STX18: variants seen among roughly 807,000 people sequenced by gnomAD.
The protein encoded by STX18 is syntaxin 18, also known as syntaxin-18.
A neutral mutation model predicts 50.1 loss-of-function variants in STX18; 40 were observed. The ratio of observed to expected loss-of-function variants is 0.80; its 90% CI spans 0.62 to 1.04. STX18 has a LOEUF of 1.04. Ranked by LOEUF, STX18 falls within the 50% of genes least tolerant of loss-of-function variation. The pLI is 0.00. For synonymous variants in STX18, 158 were observed against 151.8 expected (o/e 1.04, Z -0.30); for missense variants, 410 against 415.8 (o/e 0.99, Z 0.12).
chr4:4,463,850 T>C (rs1338187676), intron 2 of STX18, among the ~76,000 whole-genome samples: 1 of 152,350 alleles, frequency 6.6e-6, no homozygotes, highest in East Asian at 1.9e-4. Flanking sequence ...GGAATAATTA[T>C]TTTAGTATAT....
At chr4:4,474,597 T>A (rs1174391109) in intron 1 of STX18, among the ~76,000 whole-genome samples, 2 of 152,158 alleles carry the variant, frequency 1.3e-5, no homozygotes, top group African/African-American at 2.4e-5. Flanking sequence ...AGAGAGATTA[T>A]CCTGAATTAT....
At chr4:4,423,790 A>G in intron 8 of STX18, 1 of 594,696 alleles carries the variant, frequency 1.7e-6, no homozygotes, top group Non-Finnish European at 3.0e-6. Context: ...GGCATAGCCT[A>G]GCACACTGGT....
intron 1 of STX18, among the ~76,000 whole-genome samples, chr4:4,523,466 G>A (rs1052147009): frequency 6.6e-6 from 1 of 152,142 alleles, no homozygotes; most frequent in Non-Finnish European, 1.5e-5. Context: ...ACAACTGCCT[G>A]GGAAACGTGT....
intron 1 of STX18, among the ~76,000 whole-genome samples, chr4:4,504,654 A>G (rs1274267762): frequency 6.6e-6 from 1 of 152,230 alleles, no homozygotes; most frequent in Non-Finnish European, 1.5e-5. Context: ...AAAAATAGGC[A>G]AAAGACTTGA....
rs752175452 is a variant in STX18 at position 4,457,219 on chromosome 4, C to T, written c.469G>A (p.Val157Ile). The T allele has an allele frequency of 1.2e-6, 2 of 1,614,118 alleles. No homozygotes were observed. The highest frequency in any genetic ancestry group is 2.2e-5 in the South Asian group (2 of 91,084). Residue 157 changes from valine to isoleucine, a missense_variant, in exon 5 of 11, where the codon GTT (valine) becomes ATT (isoleucine). Transcript: ENST00000306200. ...KLYSEQRAIR[V>I]KRVVDKKRLS... ...CTTTTCTTATCCACCACTCTTTTAA[C>T]TCGGATGGCTCTCTGTTCTGAGTAA...
At chr4:4,490,188 T>C (rs951817968) in intron 1 of STX18, among the ~76,000 whole-genome samples, 2 of 152,320 alleles carry the variant, frequency 1.3e-5, no homozygotes, top group South Asian at 2.1e-4. Flanking sequence ...AAAGTAAAAC[T>C]TGACAATGTT....
intron 1 of STX18, among the ~76,000 whole-genome samples, chr4:4,503,684 C>T (rs931626951): frequency 2.0e-5 from 3 of 151,962 alleles, no homozygotes; most frequent in East Asian, 3.9e-4. Flanking sequence ...AAAATATTTC[C>T]AAGCATAAAC....
intron 1 of STX18, among the ~76,000 whole-genome samples, chr4:4,536,922 A>T (rs1009619019): frequency 6.6e-6 from 1 of 152,228 alleles, no homozygotes; most frequent in African/African-American, 2.4e-5. Flanking sequence ...AAATCTCTGC[A>T]GTTATCTAAT....
chr4:4,508,424 A>C (rs1206278321), intron 1 of STX18, among the ~76,000 whole-genome samples: 2 of 152,214 alleles, frequency 1.3e-5, no homozygotes, highest in Non-Finnish European at 2.9e-5. Context: ...TGTTGCACAA[A>C]GATTATATAT....
At chr4:4,450,033 A>C (rs1726665220) in intron 5 of STX18, among the ~76,000 whole-genome samples, 1 of 152,180 alleles carries the variant, frequency 6.6e-6, no homozygotes, top group South Asian at 2.1e-4. Context: ...CCTGAAGGTG[A>C]AGTTGGTATT....
upstream of STX18, chr4:4,542,070 C>T: frequency 2.4e-6 from 3 of 1,273,098 alleles, no homozygotes; most frequent in South Asian, 6.0e-5. Context: ...ACACGCCTCC[C>T]CCCGGCAACG....
At chr4:4,500,950 T>C (rs1195393380) in intron 1 of STX18, among the ~76,000 whole-genome samples, 1 of 152,028 alleles carries the variant, frequency 6.6e-6, no homozygotes, top group Non-Finnish European at 1.5e-5. Context: ...AGCAGGAGAA[T>C]TGCTAGAACC....
At chr4:4,439,833 C>A (rs1726014669) in intron 5 of STX18, among the ~76,000 whole-genome samples, 1 of 152,110 alleles carries the variant, frequency 6.6e-6, no homozygotes, top group Non-Finnish European at 1.5e-5. Context: ...CTACAGGGCT[C>A]AGCTCAATTT....
chr4:4,491,811 A>G (rs1285627433), intron 1 of STX18, among the ~76,000 whole-genome samples: 1 of 151,926 alleles, frequency 6.6e-6, no homozygotes, highest in African/African-American at 2.4e-5. Context: ...CTAAAAAGTA[A>G]GATTTCCTAA....
rs199877133 is a variant in STX18 at position 4,466,396 on chromosome 4, GAA to G, written c.236+5241_236+5242del. On this transcript the variant is annotated intron_variant, in intron 2 of 10. Transcript: ENST00000306200. ...GGATGGAAAAGTGGGTGAGGGTAATGAAAAGTCTTGCTTATCTAAGAAGTATG... is the reference window on the plus strand; with the variant it reads ...GGATGGAAAAGTGGGTGAGGGTAATGAAGTCTTGCTTATCTAAGAAGTATG... Among the ~76,000 whole-genome samples the G allele has an allele frequency of 2.5e-4, 38 of 152,282 alleles. No homozygotes were observed. The East Asian group carries it at 6.8e-3, about 27-fold the overall frequency.
intron 1 of STX18, among the ~76,000 whole-genome samples, chr4:4,473,815 G>C (rs1180294913): frequency 6.6e-6 from 1 of 152,108 alleles, no homozygotes; most frequent in Non-Finnish European, 1.5e-5. Flanking sequence ...GAAATGCGTG[G>C]GTAGAATACA....
chr4:4,428,838 C>G (rs150269340), intron 7 of STX18, among the ~76,000 whole-genome samples: 236 of 152,308 alleles, frequency 1.5e-3, no homozygotes, highest in Non-Finnish European at 2.9e-3. Flanking sequence ...TTTGTGAAGA[C>G]AAACCTGAAC....
chr4:4,439,369 TCA>T (rs1473710974), intron 5 of STX18, among the ~76,000 whole-genome samples: 1 of 69,566 alleles, frequency 1.4e-5, no homozygotes, highest in Non-Finnish European at 2.6e-5. Context: ...TACCCCCCAC[TCA>T]CATATATACC....
intron 3 of STX18, among the ~76,000 whole-genome samples, chr4:4,459,006 C>T (rs1727225528): frequency 6.6e-6 from 1 of 151,954 alleles, no homozygotes; most frequent in South Asian, 2.1e-4. Flanking sequence ...CACACATGTG[C>T]ATACACACAT....
Sources: gnomAD v4.1 joint callset for allele counts (sites outside exome capture counted in the v4.1 genomes callset) on GRCh38, gnomAD v4.1.1 for gene constraint, MANE v1.5 for transcripts, NCBI Gene and HGNC (gene_info 2026-07-23, HGNC 2026-07-21) for gene names.